PPM1L: variants seen among roughly 807,000 people sequenced by gnomAD.
PPM1L encodes the protein protein phosphatase, Mg2+/Mn2+ dependent 1L.
A neutral mutation model predicts 31.4 loss-of-function variants in PPM1L; 13 were observed. The observed-to-expected ratio is 0.41, with a 90% CI of 0.27 to 0.66. The LOEUF (loss-of-function observed/expected upper bound fraction) is 0.66, where lower values mean the gene tolerates loss of function less well. Ranked by LOEUF, PPM1L falls within the 30% of genes least tolerant of loss-of-function variation. The probability of loss-of-function intolerance (pLI) is 0.29; values close to 1 mark genes in which losing one functional copy is unlikely to be tolerated. For synonymous variants in PPM1L, 184 were observed against 175.4 expected (o/e 1.05, Z -0.39); for missense variants, 326 against 453.7 (o/e 0.72, Z 2.56).
chr3:160,912,990 G>A (rs865827731), intron 1 of PPM1L, among the ~76,000 whole-genome samples: 3 of 152,084 alleles, frequency 2.0e-5, no homozygotes, highest in South Asian at 2.1e-4. Flanking sequence ...TTCATTTGGT[G>A]GCATTACATA....
intron 1 of PPM1L, among the ~76,000 whole-genome samples, chr3:160,855,248 A>G (rs941324919): frequency 5.9e-5 from 9 of 152,162 alleles, no homozygotes; most frequent in Non-Finnish European, 1.0e-4. Flanking sequence ...AGACTTAAAT[A>G]TAAAACCTAA....
Position 160,903,194 on chromosome 3 carries a change from G to GTGTGT in PPM1L, c.400-58541_400-58540insGTGTT, listed in dbSNP as rs1553819647. Among the ~76,000 whole-genome samples the GTGTGT allele has an allele frequency of 2.4e-3, 225 of 95,532 alleles. 2 individuals carry two copies. The highest frequency in any genetic ancestry group is 6.7e-3 in the African/African-American group (201 of 29,938). 62.7% of individuals were successfully genotyped at this position (95,532 alleles called of 152,430 possible). ...GTGTGTGTGTGTGTGTGTGTGTGTG[G>GTGTGT]TATGTGTGTATGTTTGTGTGTGTGT... On this transcript the variant is annotated intron_variant, in intron 1 of 3. Transcript: ENST00000498165.
intron 1 of PPM1L, among the ~76,000 whole-genome samples, chr3:160,939,342 T>G (rs150926462): frequency 2.0e-5 from 3 of 152,200 alleles, no homozygotes; most frequent in African/African-American, 7.2e-5. Flanking sequence ...TTATATAGAA[T>G]GTACTCTCCA....
At chr3:160,999,136 C>G (rs776660581) in intron 2 of PPM1L, among the ~76,000 whole-genome samples, 2 of 152,128 alleles carry the variant, frequency 1.3e-5, no homozygotes, top group African/African-American at 4.8e-5. Flanking sequence ...TGTGCCTGTA[C>G]TCTTTTATTC....
intron 1 of PPM1L, among the ~76,000 whole-genome samples, chr3:160,885,321 G>T (rs1340959130): frequency 6.6e-6 from 1 of 152,160 alleles, no homozygotes; most frequent in Non-Finnish European, 1.5e-5. Context: ...GATCACCCTA[G>T]AATAGTAGCA....
intron 2 of PPM1L, among the ~76,000 whole-genome samples, chr3:161,056,490 A>G (rs1016064826): frequency 1.3e-5 from 2 of 152,188 alleles, no homozygotes; most frequent in Non-Finnish European, 2.9e-5. Flanking sequence ...CAACATTTAA[A>G]TAACATTAAA....
chr3:161,009,637 C>T (rs775787843), intron 2 of PPM1L, among the ~76,000 whole-genome samples: 7 of 152,178 alleles, frequency 4.6e-5, no homozygotes, highest in Admixed American at 1.3e-4. Context: ...ATCTCCCTCC[C>T]CTGCCGCTGG....
chr3:161,014,428 C>G (rs993187791), intron 2 of PPM1L, among the ~76,000 whole-genome samples: 1 of 150,858 alleles, frequency 6.6e-6, no homozygotes, highest in Non-Finnish European at 1.5e-5. Context: ...AATAGACTGA[C>G]ACTGTCAGCT....
At chr3:160,895,424 C>T (rs1485145379) in intron 1 of PPM1L, among the ~76,000 whole-genome samples, 1 of 151,970 alleles carries the variant, frequency 6.6e-6, no homozygotes, top group Non-Finnish European at 1.5e-5. Context: ...TGCTATATTG[C>T]CCAGGCTGGT....
chr3:160,981,954 C>T (rs941235205), intron 2 of PPM1L, among the ~76,000 whole-genome samples: 4 of 151,960 alleles, frequency 2.6e-5, no homozygotes, highest in East Asian at 1.9e-4. Context: ...TTAGTAGAGA[C>T]GGGGTTTCAC....
At chr3:160,954,173 G>C (rs902505512) in intron 1 of PPM1L, among the ~76,000 whole-genome samples, 1 of 151,950 alleles carries the variant, frequency 6.6e-6, no homozygotes, top group Non-Finnish European at 1.5e-5. Context: ...GATTACATAC[G>C]CTAACACATT....
intron 2 of PPM1L, among the ~76,000 whole-genome samples, chr3:160,985,023 G>A (rs1422017439): frequency 1.3e-5 from 2 of 152,186 alleles, no homozygotes; most frequent in African/African-American, 4.8e-5. Flanking sequence ...CAAAATGTAA[G>A]TAGTGCCAAG....
chr3:160,821,099 G>A (rs1389711972), intron 1 of PPM1L, among the ~76,000 whole-genome samples: 5 of 152,046 alleles, frequency 3.3e-5, no homozygotes, highest in African/African-American at 1.2e-4. Flanking sequence ...GGAACAAAGC[G>A]GTGTGTGCTG....
chr3:160,778,792 C>A (rs1379174226), intron 1 of PPM1L, among the ~76,000 whole-genome samples: 1 of 152,058 alleles, frequency 6.6e-6, no homozygotes, highest in Non-Finnish European at 1.5e-5. Flanking sequence ...ACAGGACAGC[C>A]CTGTGCAACC....
At position 161,076,030 on chromosome 3, in the gene PPM1L, T is replaced by C. The variant is rs900842798; in HGVS notation, c.*6873T>C. 1.3e-5 allele frequency: 2 copies of C among 152,226 alleles called. No homozygotes were observed. 9.4% of individuals were successfully genotyped at this position (152,226 alleles called of 1,614,324 possible). ...GTAATTTTGCAAATGCCAACATGAA[T>C]ACTAGTGAGTACTCAATTTACGACA... On this transcript the variant is annotated 3_prime_UTR_variant, in exon 4 of 4. Coordinates refer to ENST00000498165, the MANE Select transcript of PPM1L (RefSeq NM_139245.4).
intron 1 of PPM1L, among the ~76,000 whole-genome samples, chr3:160,936,947 C>T (rs1385205406): frequency 6.6e-6 from 1 of 152,072 alleles, no homozygotes; most frequent in Non-Finnish European, 1.5e-5. Flanking sequence ...TCAGGCTGAG[C>T]GGGTTTCTTT....
intron 1 of PPM1L, among the ~76,000 whole-genome samples, chr3:160,946,485 T>A (rs188426792): frequency 2.3e-3 from 351 of 152,244 alleles, no homozygotes; most frequent in African/African-American, 8.3e-3. Flanking sequence ...TCTCCAGCCC[T>A]CCTTGCAGAT....
At chr3:160,981,858 G>A (rs371392587) in intron 2 of PPM1L, among the ~76,000 whole-genome samples, 8 of 151,910 alleles carry the variant, frequency 5.3e-5, no homozygotes, top group Admixed American at 2.0e-4. Flanking sequence ...TGCCTCCCAG[G>A]TTCAAGTGAT....
chr3:161,071,227 C>T lies in PPM1L; in HGVS notation c.*2070C>T, dbSNP rs1186037478. On this transcript the variant is annotated 3_prime_UTR_variant, in exon 4 of 4. Transcript: ENST00000498165. ...CCTAAGAGTTGCCCCCACCCACCAT[C>T]AAACTGAAATCAGCACCAATGGTGT... is the stretch of plus-strand genomic sequence containing the variant. The T allele has an allele frequency of 6.6e-6, 1 of 152,238 alleles. No homozygotes were observed. Among genetic ancestry groups the T allele is most frequent in the Admixed American group, 6.5e-5 (1 of 15,270 alleles). 9.4% of individuals were successfully genotyped at this position (152,238 alleles called of 1,614,324 possible). A position where few individuals can be genotyped will look rare whatever the true frequency, so the allele number is the denominator to read the frequency against.
Sources: allele counts gnomAD v4.1 joint callset (sites outside exome capture counted in the v4.1 genomes callset), GRCh38; gene constraint gnomAD v4.1.1; transcripts MANE v1.5; gene names NCBI Gene and HGNC (gene_info 2026-07-23, HGNC 2026-07-21).